CLSTN2: variants seen among roughly 807,000 people sequenced by gnomAD.
CLSTN2 encodes the protein calsyntenin 2.
In CLSTN2, 48 loss-of-function variants were observed where a neutral mutation model predicts 101.2. That is an observed-to-expected ratio of 0.47 (90% CI 0.38 to 0.60). The LOEUF is 0.60. Ranked by LOEUF, CLSTN2 falls within the 20% of genes least tolerant of loss-of-function variation. The pLI, the probability that CLSTN2 is intolerant of heterozygous loss-of-function variation, is 0.00. For synonymous variants in CLSTN2, 481 were observed against 463.6 expected (o/e 1.04, Z -0.48); for missense variants, 1,160 against 1,238.2 (o/e 0.94, Z 0.95).
In CLSTN2 at chr3:140,409,033, C is replaced by T. The variant is rs1402460644; in HGVS notation, c.637+4267C>T. ...GCCCCTGCAGCTGCATGCATGTACA[C>T]TTCCAGCTTGATCCCCATAGCTGCA... On this transcript the variant is annotated intron_variant, in intron 4 of 16. Coordinates refer to ENST00000458420, the MANE Select transcript of CLSTN2 (RefSeq NM_022131.3). Among the ~76,000 whole-genome samples, 10 of 152,400 alleles carry T rather than the reference C, an allele frequency of 6.6e-5. No homozygotes were observed. The South Asian group carries it at 1.9e-3, about 28-fold the overall frequency.
chr3:140,169,126 C>T (rs12637089), intron 1 of CLSTN2, among the ~76,000 whole-genome samples: 11,021 of 152,114 alleles, frequency 0.072, 548 homozygotes, highest in East Asian at 0.12. Context: ...ATAATGAACA[C>T]TGTGTATTTC....
intron 1 of CLSTN2, among the ~76,000 whole-genome samples, chr3:140,033,726 C>T (rs1576403892): frequency 1.3e-5 from 2 of 152,296 alleles, no homozygotes; most frequent in South Asian, 2.1e-4. Flanking sequence ...TGAAATTGTG[C>T]TTTATGTAAG....
At chr3:140,063,980 G>A (rs2008255787) in intron 1 of CLSTN2, among the ~76,000 whole-genome samples, 1 of 152,176 alleles carries the variant, frequency 6.6e-6, no homozygotes, top group Non-Finnish European at 1.5e-5. Context: ...AATCCCAGAA[G>A]CCCCTGCCAG....
At position 140,127,199 on chromosome 3, in the gene CLSTN2, T is replaced by C. The variant is rs568526098; in HGVS notation, c.110-48752T>C. Among the ~76,000 whole-genome samples the C allele has an allele frequency of 2.0e-5, 3 of 152,226 alleles. No individual in the cohort carries two copies. In the South Asian group the frequency reaches 6.2e-4, roughly 32 times the overall value. ...CATCAACACAGATAGTAACAATCTGTGTTACTGACAGGCTGCAGATCCCAG... is the reference window on the plus strand; with the variant it reads ...CATCAACACAGATAGTAACAATCTGCGTTACTGACAGGCTGCAGATCCCAG... On this transcript the variant is annotated intron_variant, in intron 1 of 16. Coordinates refer to ENST00000458420, the MANE Select transcript of CLSTN2 (RefSeq NM_022131.3).
At chr3:140,476,227 C>T (rs1933980731) in intron 8 of CLSTN2, among the ~76,000 whole-genome samples, 1 of 152,242 alleles carries the variant, frequency 6.6e-6, no homozygotes, top group African/African-American at 2.4e-5. Context: ...CAATTCGTTG[C>T]TAATCCTGCT....
Position 140,039,040 on chromosome 3 carries a change from T to C in CLSTN2, c.109+103557T>C, listed in dbSNP as rs566828621. On this transcript the variant is annotated intron_variant, in intron 1 of 16. Coordinates refer to ENST00000458420, the MANE Select transcript of CLSTN2 (RefSeq NM_022131.3). ...ATCTGGTAAGGTTAGTTTCTACTCATTGCCTTTCTTCTCTTAAGGGATGTC... is the reference window on the plus strand; with the variant it reads ...ATCTGGTAAGGTTAGTTTCTACTCACTGCCTTTCTTCTCTTAAGGGATGTC... Among the ~76,000 whole-genome samples, 3 of 152,320 alleles carry C rather than the reference T, an allele frequency of 2.0e-5. 1 individual carries two copies. In the South Asian group the frequency reaches 6.2e-4, roughly 32 times the overall value.
intron 1 of CLSTN2, among the ~76,000 whole-genome samples, chr3:140,097,423 G>A (rs151021764): frequency 7.9e-5 from 12 of 152,160 alleles, no homozygotes; most frequent in East Asian, 1.9e-4. Context: ...TTTTTCTTGC[G>A]ATCACCTTGA....
intron 7 of CLSTN2, among the ~76,000 whole-genome samples, chr3:140,460,811 C>A (rs1237872731): frequency 6.6e-6 from 1 of 152,036 alleles, no homozygotes; most frequent in Non-Finnish European, 1.5e-5. Flanking sequence ...GCTAAAACAC[C>A]CCAAATAAAT....
intron 8 of CLSTN2, among the ~76,000 whole-genome samples, chr3:140,485,474 C>T (rs1052971083): frequency 1.3e-5 from 2 of 152,230 alleles, no homozygotes; most frequent in African/African-American, 4.8e-5. Context: ...CCACTACTCT[C>T]TTCAAAGCTG....
At chr3:140,179,087 A>G (rs2010368256) in intron 2 of CLSTN2, among the ~76,000 whole-genome samples, 1 of 152,194 alleles carries the variant, frequency 6.6e-6, no homozygotes, top group Non-Finnish European at 1.5e-5. Flanking sequence ...ATTTAAATAA[A>G]TATTATGATT....
intron 2 of CLSTN2, among the ~76,000 whole-genome samples, chr3:140,360,794 A>G (rs1284053965): frequency 6.6e-6 from 1 of 152,248 alleles, no homozygotes; most frequent in Non-Finnish European, 1.5e-5. Flanking sequence ...CCAAATAATT[A>G]AAACTGACTC....
chr3:140,089,761 C>T (rs990805983), intron 1 of CLSTN2, among the ~76,000 whole-genome samples: 2 of 151,642 alleles, frequency 1.3e-5, no homozygotes, highest in Non-Finnish European at 1.5e-5. Flanking sequence ...CAGGCATGCA[C>T]CACCATACCT....
intron 2 of CLSTN2, among the ~76,000 whole-genome samples, chr3:140,275,547 C>T (rs531982445): frequency 6.6e-5 from 10 of 152,302 alleles, no homozygotes; most frequent in African/African-American, 2.4e-4. Flanking sequence ...GCTGGGATTA[C>T]AGGCATGAGT....
intron 1 of CLSTN2, among the ~76,000 whole-genome samples, chr3:139,942,053 G>A (rs1014575915): frequency 3.3e-5 from 5 of 152,152 alleles, no homozygotes; most frequent in Non-Finnish European, 5.9e-5. Context: ...TGGTAGGCAT[G>A]GGTTCCCCTC....
chr3:140,001,724 T>C (rs4683780), intron 1 of CLSTN2, among the ~76,000 whole-genome samples: 31,298 of 152,010 alleles, frequency 0.21, 3,560 homozygotes, highest in Admixed American at 0.34. Flanking sequence ...TTCTGTTTTT[T>C]TTTTTTCTGT....
chr3:140,458,568 G>T (rs958168223), intron 6 of CLSTN2, among the ~76,000 whole-genome samples: 1 of 152,052 alleles, frequency 6.6e-6, no homozygotes, highest in Non-Finnish European at 1.5e-5. Flanking sequence ...GACAGTTGTC[G>T]CCTCTCACCT....
intron 1 of CLSTN2, among the ~76,000 whole-genome samples, chr3:140,000,019 C>T (rs1362620084): frequency 1.3e-5 from 2 of 151,850 alleles, no homozygotes; most frequent in East Asian, 1.9e-4. Context: ...CCCTCCCTCC[C>T]TCCCTCCGTC....
chr3:140,104,273 C>T (rs942234911), intron 1 of CLSTN2, among the ~76,000 whole-genome samples: 6 of 152,198 alleles, frequency 3.9e-5, no homozygotes, highest in African/African-American at 1.4e-4. Context: ...AGGCTGGCGG[C>T]ACAAGAGAAA....
At chr3:140,303,788 C>G (rs965462500) in intron 2 of CLSTN2, among the ~76,000 whole-genome samples, 1 of 151,890 alleles carries the variant, frequency 6.6e-6, no homozygotes, top group Non-Finnish European at 1.5e-5. Context: ...TCCTAAGAGG[C>G]ATCAACTTGC....
Sources: allele counts gnomAD v4.1 joint callset (sites outside exome capture counted in the v4.1 genomes callset), GRCh38; gene constraint gnomAD v4.1.1; transcripts MANE v1.5; gene names NCBI Gene and HGNC (gene_info 2026-07-23, HGNC 2026-07-21).